The following SYP variants were observed in gnomAD, a reference collection of about 807,000 sequenced individuals.
The protein encoded by SYP is synaptophysin, also known as major synaptic vesicle protein P38.
Under a neutral mutation model 24.3 loss-of-function variants are expected in SYP, and 2 were observed. That is an observed-to-expected ratio of 0.08 (90% CI 0.03 to 0.26). SYP has a LOEUF of 0.26. Among genes scored for constraint, SYP ranks in the 10% least tolerant of loss-of-function variants. SYP has a pLI of 1.00. For missense variants in SYP, 216 were observed against 266.3 expected (o/e 0.81, Z 1.32); for synonymous variants, 143 against 123.2 (o/e 1.16, Z -1.07).
chrX:49,190,187 T>C (rs2065501067), intron 6 of SYP, among the ~76,000 whole-genome samples: 1 of 110,228 alleles, frequency 9.1e-6, no homozygotes, highest in Non-Finnish European at 1.9e-5. Context: ...TTTTCTTTTT[T>C]TTTTTGTTTT....
At chrX:49,197,491 TCG>T in intron 3 of SYP, 2 of 466,871 alleles carry the variant, frequency 4.3e-6, no homozygotes, top group South Asian at 6.7e-5. Context: ...CCTTACCCCT[TCG>T]CTGGAACAGA....
At chrX:49,195,675 G>C (rs1557103309) in intron 3 of SYP, among the ~76,000 whole-genome samples, 1 of 111,056 alleles carries the variant, frequency 9.0e-6, no homozygotes, top group African/African-American at 3.3e-5. Flanking sequence ...AGAAGTTCTG[G>C]AGCACAGTCT....
At chrX:49,198,918 G>T in intron 2 of SYP, 50 bp downstream of exon 2, 1 of 1,186,370 alleles carries the variant, frequency 8.4e-7, no homozygotes, top group South Asian at 1.8e-5. Context: ...TGGACCCCAT[G>T]ACCTCCCTCT....
In SYP at chrX:49,191,603, G is replaced by A. The variant is rs2065509269; in HGVS notation, c.776C>T (p.Pro259Leu). 8.3e-7 allele frequency: 1 copy of A among 1,209,812 alleles called. No individual in the cohort carries two copies. Among genetic ancestry groups the A allele is most frequent in the Admixed American group, 2.2e-5 (1 of 46,029 alleles). ...AYGDAGYGQG[P>L]GGYGPQDSYG... ...GGAATCCTGGGGCCCGTACCCGCCG[G>A]GGCCCTGCCCGTAGCCTGCATCGCC... Residue 259 changes from proline (P) to leucine (L), a missense_variant, in exon 6 of 7, where the codon CCC (proline) becomes CTC (leucine). Transcript: ENST00000263233.
At position 49,191,579 on chromosome X, in the gene SYP, G is replaced by T; in HGVS notation, c.800C>A (p.Ser267Tyr). The T allele has an allele frequency of 8.3e-7, 1 of 1,210,128 alleles. No individual in the cohort carries two copies. The highest frequency in any genetic ancestry group is 1.1e-6 in the Non-Finnish European group (1 of 895,079). ...QGPGGYGPQD[S>Y]YGPQGGYQPD... ...CTGGTAGCCGCCCTGAGGCCCGTAG[G>T]AATCCTGGGGCCCGTACCCGCCGGG... The change falls in exon 6 of 7, where the codon TCC becomes TAC. Residue 267 changes from serine to tyrosine, a missense_variant. Transcript: ENST00000263233.
At chrX:49,192,175 T>C (rs1251048631) in intron 5 of SYP, among the ~76,000 whole-genome samples, 6 of 112,599 alleles carry the variant, frequency 5.3e-5, no homozygotes, top group Non-Finnish European at 1.1e-4. Context: ...TAAGTGCACA[T>C]GTATAAGATA....
chrX:49,200,027 G>C (rs2065545261), intron 1 of SYP, 124 bp downstream of exon 1: 1 of 884,645 alleles, frequency 1.1e-6, no homozygotes, highest in Non-Finnish European at 1.6e-6. Context: ...CCCATCCCCA[G>C]CGCCGGGGAC....
chrX:49,197,683 A>T (rs1557103483), intron 3 of SYP, 32 bp downstream of exon 3: 1 of 1,202,376 alleles, frequency 8.3e-7, no homozygotes. Context: ...TTCCTCTCCC[A>T]GGTCTGTTGG....
At chrX:49,190,336 T>C (rs1241947686) in intron 6 of SYP, among the ~76,000 whole-genome samples, 1 of 108,251 alleles carries the variant, frequency 9.2e-6, no homozygotes, top group African/African-American at 3.4e-5. Flanking sequence ...TGCGCCACCA[T>C]GCCCGGCTAA....
chrX:49,191,209 A>T (rs1557102638), intron 6 of SYP: 4 of 453,687 alleles, frequency 8.8e-6, no homozygotes, highest in Non-Finnish European at 1.5e-5. Flanking sequence ...TTGGCTCTTC[A>T]TTCTGTCCAT....
rs1557102781 is a variant in SYP, at chrX:49,191,743, C to G, written c.636G>C (p.Leu212=). 1 of 1,206,499 alleles carries G rather than the reference C, an allele frequency of 8.3e-7. No individual in the cohort carries two copies. Among genetic ancestry groups the G allele is most frequent in the African/African-American group, 1.7e-5 (1 of 57,584 alleles). Residue 212 remains leucine, a synonymous_variant, in exon 6 of 7, where the codon CTG becomes CTC. Coordinates refer to ENST00000263233, the MANE Select transcript of SYP (RefSeq NM_003179.3). ...NTSVVFGFLN[L]VLWVGNLWFV... ...ACCACAGGTTGCCGACCCAGAGCAC[C>G]AGGTTCAGGAAGCCGAACACCTGCA...
At chrX:49,194,050 T>C (rs1239612076) in intron 4 of SYP, 116 bp downstream of exon 4, 4 of 836,169 alleles carry the variant, frequency 4.8e-6, no homozygotes, top group Non-Finnish European at 7.0e-6. Context: ...GTGGCTGTTA[T>C]GGTGGCTGTT....
rs1467612174 is a variant in SYP, at chrX:49,193,453, G to A, written c.434C>T (p.Ala145Val). 7 of 1,210,798 alleles carry A rather than the reference G, an allele frequency of 5.8e-6. No homozygotes were observed. Among genetic ancestry groups the A allele is most frequent in the Non-Finnish European group, 7.8e-6 (7 of 895,184 alleles). ...NNKGPMLDFL[A>V]TAVFAFMWLV... is the part of the protein sequence containing the mutation. Reference sequence around the variant, plus strand: ...CCACATGAAGGCGAACACAGCCGTGGCCAGAAAGTCCTAAGGCAGGCAGGG... The same window carrying A: ...CCACATGAAGGCGAACACAGCCGTGACCAGAAAGTCCTAAGGCAGGCAGGG... Residue 145 changes from alanine (A) to valine (V), a missense_variant, in exon 5 of 7, where the codon GCC (alanine) becomes GTC (valine). By Grantham distance (64) the Ala-to-Val change is moderately conservative (BLOSUM62 0). Coordinates refer to ENST00000263233, the MANE Select transcript of SYP (RefSeq NM_003179.3).
intron 1 of SYP, chrX:49,199,274 T>C: frequency 2.5e-6 from 1 of 401,701 alleles, no homozygotes; most frequent in Admixed American, 4.0e-5. Flanking sequence ...GGGGATGAGG[T>C]CAGGACTAGT....
rs782239736 is a variant in SYP, at chrX:49,193,247, C to T, written c.615+25G>A. The stretch of plus-strand genomic sequence containing the variant: ...GACTGTACTGTTTTCCACTCTCCCT[C>T]CTCCAGCCAGCACCCAGGGCTTACC... On this transcript the variant is annotated intron_variant, in intron 5 of 6. Coordinates refer to ENST00000263233, the MANE Select transcript of SYP (RefSeq NM_003179.3). 2.5e-6 allele frequency: 3 copies of T among 1,207,677 alleles called. No individual in the cohort carries two copies. In the Admixed American group the frequency reaches 6.6e-5, roughly 26 times the overall value.
chrX:49,197,192 A>G (rs1440726957), intron 3 of SYP: 3 of 112,887 alleles, frequency 2.7e-5, no homozygotes, highest in African/African-American at 6.6e-5. Flanking sequence ...CATGTTGGTC[A>G]GGCTGGTCTC....
chrX:49,191,160 C>T (rs1028400664), intron 6 of SYP: 1 of 411,573 alleles, frequency 2.4e-6, no homozygotes, highest in Non-Finnish European at 4.3e-6. Context: ...CTTCTCTCCC[C>T]CCGCCTTTCC....
At chrX:49,191,072 G>A in intron 6 of SYP, 1 of 304,110 alleles carries the variant, frequency 3.3e-6, no homozygotes, top group Admixed American at 5.1e-5. Context: ...CCTCCTCGTC[G>A]CTTCCGTGGC....
chrX:49,194,319 G>A lies in SYP; in HGVS notation c.270C>T (p.Gly90=), dbSNP rs782633187. 25 of 1,209,342 alleles carry A rather than the reference G, an allele frequency of 2.1e-5. No individual in the cohort carries two copies. Among genetic ancestry groups the A allele is most frequent in the Non-Finnish European group, 2.6e-5 (23 of 894,967 alleles). The stretch of plus-strand genomic sequence containing the variant: ...CCCCAACTAAGAAGACCTTGGTGGT[G>A]CCCCCTCGGCAGGTGGGTGCATCAA... The part of the protein sequence containing the change: ...VYFDAPTCRG[G]TTKVFLVGDY... Residue 90 remains glycine (G), a synonymous_variant, in exon 4 of 7, where the codon GGC becomes GGT. Transcript: ENST00000263233.
Sources: gnomAD v4.1 joint callset for allele counts (sites outside exome capture counted in the v4.1 genomes callset) on GRCh38, gnomAD v4.1.1 for gene constraint, MANE v1.5 for transcripts, NCBI Gene and HGNC (gene_info 2026-07-23, HGNC 2026-07-21) for gene names.